Variants in PDXDC1 observed in about 807,000 individuals in gnomAD.
PDXDC1 encodes pyridoxal dependent decarboxylase domain containing 1.
In PDXDC1, 42 loss-of-function variants were observed where a neutral mutation model predicts 100.1. That is an observed-to-expected ratio of 0.42 (90% CI 0.33 to 0.54). The LOEUF (loss-of-function observed/expected upper bound fraction) is 0.54, where lower values mean the gene tolerates loss of function less well. Ranked by LOEUF, PDXDC1 falls within the 20% of genes least tolerant of loss-of-function variation. The pLI is 0.10. For missense variants in PDXDC1, 636 were observed against 979.2 expected (o/e 0.65, Z 4.68); for synonymous variants, 260 against 371.7 (o/e 0.70, Z 3.46).
In PDXDC1 at chr16:15,038,264, G is replaced by T; in HGVS notation, c.*1989G>T. 8.0e-7 allele frequency: 1 copy of T among 1,251,404 alleles called. No individual in the cohort carries two copies. Among genetic ancestry groups the T allele is most frequent in the Non-Finnish European group, 1.1e-6 (1 of 877,508 alleles). 77.5% of individuals were successfully genotyped at this position (1,251,404 alleles called of 1,614,324 possible). The stretch of plus-strand genomic sequence containing the variant: ...GAAGCCAACCTTACTGTCCCCTGCT[G>T]TGATAAAGATGTCAAAGTATCTTTG... On this transcript the variant is annotated 3_prime_UTR_variant, in exon 23 of 23. Coordinates refer to ENST00000396410, the MANE Select transcript of PDXDC1 (RefSeq NM_015027.4).
chr16:15,023,108 C>G (rs2042329323), intron 13 of PDXDC1, among the ~76,000 whole-genome samples: 1 of 152,296 alleles, frequency 6.6e-6, no homozygotes, highest in Non-Finnish European at 1.5e-5. Flanking sequence ...TGAAAAGTCA[C>G]TTTGTGCCTC....
chr16:15,147,417 A>G, the PDXDC1 span, among the ~76,000 whole-genome samples: 1 of 152,218 alleles, frequency 6.6e-6, no homozygotes, highest in Non-Finnish European at 1.5e-5. Context: ...AAATGAGACC[A>G]GGAGTGGCTG....
chr16:15,095,781 C>A (rs1260074243), intron 16 of PDXDC1, among the ~76,000 whole-genome samples: 1 of 150,438 alleles, frequency 6.6e-6, no homozygotes, highest in Non-Finnish European at 1.5e-5. Flanking sequence ...ACCCAGGAGG[C>A]AGAGGTTGCA....
chr16:15,024,159 T>TC (rs1299637436), intron 13 of PDXDC1, among the ~76,000 whole-genome samples: 4 of 152,272 alleles, frequency 2.6e-5, no homozygotes, highest in Non-Finnish European at 5.9e-5. Flanking sequence ...GCCTGCTCTG[T>TC]CCCTTCTTCC....
At chr16:14,977,623 G>T (rs2151129046) in intron 1 of PDXDC1, among the ~76,000 whole-genome samples, 1 of 152,402 alleles carries the variant, frequency 6.6e-6, no homozygotes, top group East Asian at 1.9e-4. Flanking sequence ...GCCTTAGATG[G>T]AATAAACGAT....
At chr16:15,015,162 C>G (rs1393611797) in intron 8 of PDXDC1, among the ~76,000 whole-genome samples, 1 of 152,214 alleles carries the variant, frequency 6.6e-6, no homozygotes, top group East Asian at 1.9e-4. Context: ...AGGATGGTCT[C>G]CATCTCCTGA....
intron 16 of PDXDC1, among the ~76,000 whole-genome samples, chr16:15,082,822 T>C (rs1360970763): frequency 6.6e-6 from 1 of 152,180 alleles, no homozygotes; most frequent in African/African-American, 2.4e-5. Context: ...GATCTGAACA[T>C]TGTACAAAAA....
rs1232433567 is a variant in PDXDC1, at chr16:15,038,178, G to C, written c.*1903G>C. ...TAGATCTAATATGTTCAACAAAGTG[G>C]GGTGGCTCAGCCAGAGGCGAAGTGG... On this transcript the variant is annotated 3_prime_UTR_variant, in exon 23 of 23. Coordinates refer to ENST00000396410, the MANE Select transcript of PDXDC1 (RefSeq NM_015027.4). The C allele has an allele frequency of 6.2e-7, 1 of 1,613,066 alleles. No individual in the cohort carries two copies. Among genetic ancestry groups the C allele is most frequent in the African/African-American group, 1.3e-5 (1 of 74,872 alleles).
intron 16 of PDXDC1, among the ~76,000 whole-genome samples, chr16:15,043,976 C>T (rs932307006): frequency 6.6e-6 from 1 of 152,012 alleles, no homozygotes; most frequent in African/African-American, 2.4e-5. Flanking sequence ...AAAAAATTTG[C>T]TAATAGGGAA....
chr16:15,005,376 T>C (rs1974051566), intron 5 of PDXDC1, among the ~76,000 whole-genome samples: 1 of 152,246 alleles, frequency 6.6e-6, no homozygotes, highest in Non-Finnish European at 1.5e-5. Context: ...ATTTGTTTTA[T>C]TCTGTGATAA....
At chr16:15,128,208 G>C (rs549365398) in intron 16 of PDXDC1, 1 of 1,611,092 alleles carries the variant, frequency 6.2e-7, no homozygotes, top group Non-Finnish European at 8.5e-7. Flanking sequence ...GAGCTTGGCA[G>C]GGTCCGCACA....
chr16:15,137,662 G>A (rs1226989547), intron 16 of PDXDC1: 12 of 1,242,114 alleles, frequency 9.7e-6, no homozygotes, highest in Non-Finnish European at 1.2e-5. Context: ...CCCCCCCCCA[G>A]AGAGGCCTTC....
intron 16 of PDXDC1, chr16:15,136,192 A>C (rs996735587): frequency 1.3e-5 from 10 of 749,530 alleles, no homozygotes; most frequent in Non-Finnish European, 1.8e-5. Flanking sequence ...CCACCCTCAC[A>C]GCAGCCCGCT....
At chr16:15,056,830 C>T (rs1045442054) in intron 16 of PDXDC1, among the ~76,000 whole-genome samples, 6 of 152,076 alleles carry the variant, frequency 3.9e-5, no homozygotes, top group African/African-American at 1.4e-4. Context: ...AGATCCTGAA[C>T]TGTGCTAGCC....
chr16:15,034,268 T>G lies in PDXDC1; in HGVS notation c.1813-18T>G, dbSNP rs201454296. On this transcript the variant is annotated intron_variant, in intron 19 of 22. Transcript: ENST00000396410. ...TGAGAACCTTAAACAAGTAATGTCT[T>G]TCTTGGTCTTGCCACAGCTTCTGGA... 1.1e-5 allele frequency: 18 copies of G among 1,611,448 alleles called. No homozygotes were observed. The highest frequency in any genetic ancestry group is 2.2e-5 in the East Asian group (1 of 44,880).
intron 16 of PDXDC1, chr16:15,127,864 A>G (rs2047828566): frequency 6.4e-7 from 1 of 1,564,788 alleles, no homozygotes. Flanking sequence ...CTCAGCCACC[A>G]GCAGGCGCCG....
intron 16 of PDXDC1, among the ~76,000 whole-genome samples, chr16:15,122,072 G>A (rs1598173381): frequency 6.6e-6 from 1 of 151,342 alleles, no homozygotes; most frequent in Non-Finnish European, 1.5e-5. Context: ...GCTGAGGCAG[G>A]ACAATTGCTT....
intron 16 of PDXDC1, chr16:15,125,106 C>CA (rs1436374301): frequency 2.3e-6 from 1 of 427,014 alleles, no homozygotes; most frequent in Non-Finnish European, 4.2e-6. Context: ...GAGATCGTAC[C>CA]ATTGCACTCC....
At chr16:15,092,518 C>T (rs1330881643) in intron 16 of PDXDC1, 3 of 1,609,616 alleles carry the variant, frequency 1.9e-6, no homozygotes, top group African/African-American at 2.7e-5. Flanking sequence ...CCTTTTTGTA[C>T]TTCAGCAAGA....
Sources: gnomAD v4.1 joint callset for allele counts (sites outside exome capture counted in the v4.1 genomes callset) on GRCh38, gnomAD v4.1.1 for gene constraint, MANE v1.5 for transcripts, NCBI Gene and HGNC (gene_info 2026-07-23, HGNC 2026-07-21) for gene names.